Variants in SLC25A51 observed in about 807,000 individuals in gnomAD.
SLC25A51 encodes solute carrier family 25 member 51.
A neutral mutation model predicts 19.1 loss-of-function variants in SLC25A51; 11 were observed. The observed-to-expected ratio is 0.58, with a 90% confidence interval of 0.36 to 0.96. SLC25A51 has a LOEUF of 0.96. Ranked by LOEUF, SLC25A51 falls within the 40% of genes least tolerant of loss-of-function variation. The pLI is 0.01. For synonymous variants in SLC25A51, 105 were observed against 133.6 expected, an observed-to-expected ratio of 0.79 and a Z score of 1.47; for missense variants, 201 against 365.4, an observed-to-expected ratio of 0.55 and a Z score of 3.67.
downstream of SLC25A51, chr9:37,885,735 C>G (rs190963078): frequency 7.2e-5 from 105 of 1,458,976 alleles, no homozygotes; most frequent in African/African-American, 1.3e-3. Context: ...GATGAAGAAC[C>G]GCAGATCCAT....
downstream of SLC25A51, among the ~76,000 whole-genome samples, chr9:37,887,144 G>A (rs1332973521): frequency 1.2e-4 from 18 of 152,064 alleles, no homozygotes; most frequent in South Asian, 2.1e-4. Context: ...GTGAAACCCC[G>A]TCTCTACTAA....
intron 1 of SLC25A51, among the ~76,000 whole-genome samples, chr9:37,902,386 A>G (rs764690276): frequency 1.8e-4 from 28 of 152,180 alleles, no homozygotes; most frequent in Admixed American, 3.9e-4. Flanking sequence ...GTACATTGAG[A>G]TTCTCAGATT....
downstream of SLC25A51, chr9:37,878,951 T>C (rs942629298): frequency 1.3e-5 from 3 of 228,314 alleles, no homozygotes; most frequent in Non-Finnish European, 2.7e-5. Flanking sequence ...GTGTAACTCC[T>C]GAAGGGTTCC....
At chr9:37,885,652 C>T (rs2118302735), downstream of SLC25A51, 2 of 959,558 alleles carry the variant, frequency 2.1e-6, no homozygotes, top group Non-Finnish European at 1.7e-6. Flanking sequence ...AGAGAAGACT[C>T]GGAACCCCAA....
intron 1 of SLC25A51, among the ~76,000 whole-genome samples, chr9:37,902,566 C>T (rs1162286339): frequency 6.6e-6 from 1 of 152,240 alleles, no homozygotes; most frequent in African/African-American, 2.4e-5. Flanking sequence ...ACAGTTTAGA[C>T]TTTTGCATGT....
chr9:37,903,816 G>A (rs543081739), intron 1 of SLC25A51: 275 of 152,362 alleles, frequency 1.8e-3, no homozygotes, highest in Admixed American at 4.4e-3. Flanking sequence ...TCGCGGGAAA[G>A]GTCGCCCAGC....
intron 2 of SLC25A51, among the ~76,000 whole-genome samples, chr9:37,899,315 T>C (rs1412479912): frequency 6.6e-6 from 1 of 152,250 alleles, no homozygotes; most frequent in Non-Finnish European, 1.5e-5. Flanking sequence ...TTCATCATAC[T>C]GCTAACTTCC....
chr9:37,893,755 C>CA (rs1285741555), intron 2 of SLC25A51, among the ~76,000 whole-genome samples: 6 of 152,060 alleles, frequency 3.9e-5, no homozygotes, highest in Admixed American at 6.5e-5. Context: ...CCAGTAACAA[C>CA]AAAAAATCAT....
chr9:37,891,491 C>A (rs1376091473), intron 2 of SLC25A51, among the ~76,000 whole-genome samples: 1 of 152,208 alleles, frequency 6.6e-6, no homozygotes, highest in Non-Finnish European at 1.5e-5. Flanking sequence ...ACATAGGAGA[C>A]TCCATTTTGT....
chr9:37,885,074 C>CA (rs1258341225), downstream of SLC25A51, among the ~76,000 whole-genome samples: 1 of 152,030 alleles, frequency 6.6e-6, no homozygotes, highest in African/African-American at 2.4e-5. Context: ...GCCCCTTTGT[C>CA]ATATGCTTGA....
chr9:37,894,090 T>C (rs1243407462), intron 2 of SLC25A51, among the ~76,000 whole-genome samples: 3 of 152,336 alleles, frequency 2.0e-5, no homozygotes, highest in South Asian at 4.1e-4. Flanking sequence ...TTTAGAATGG[T>C]TGCACAGTAC....
Position 37,902,345 on chromosome 9 carries a change from C to G in SLC25A51, c.-165+1723G>C, listed in dbSNP as rs571266009. Among the ~76,000 whole-genome samples, 14 of 152,266 alleles carry G rather than the reference C, an allele frequency of 9.2e-5. No homozygotes were observed. The East Asian group carries it at 2.7e-3, about 29-fold the overall frequency. ...TAACAGAAGTTAACCATTTATTGAC[C>G]ACCATATCCAACTATTTTAAGAACA... On this transcript the variant is annotated intron_variant, in intron 1 of 2. Transcript: ENST00000242275.
chr9:37,896,240 A>T (rs894792293), intron 2 of SLC25A51, among the ~76,000 whole-genome samples: 1 of 152,152 alleles, frequency 6.6e-6, no homozygotes, highest in East Asian at 1.9e-4. Flanking sequence ...CTAAATACCC[A>T]CGGGCGTTTG....
downstream of SLC25A51, chr9:37,885,749 T>C: frequency 4.7e-6 from 7 of 1,481,088 alleles, no homozygotes; most frequent in South Asian, 2.3e-5. Flanking sequence ...GATCCATCAC[T>C]GTGGAGCAAC....
intron 2 of SLC25A51, 27 bp downstream of exon 2, chr9:37,899,802 T>C (rs1831803919): frequency 7.1e-6 from 1 of 140,398 alleles, no homozygotes; most frequent in African/African-American, 2.8e-5. Context: ...CAAAATGATG[T>C]GTTCCTTGAA....
chr9:37,893,906 G>T (rs1405609202), intron 2 of SLC25A51, among the ~76,000 whole-genome samples: 1 of 152,076 alleles, frequency 6.6e-6, no homozygotes, highest in Non-Finnish European at 1.5e-5. Context: ...CTAATGCAAG[G>T]GACCCTGCAG....
At chr9:37,881,862 C>G (rs1831355345) in intron 2 of SLC25A51, among the ~76,000 whole-genome samples, 1 of 152,054 alleles carries the variant, frequency 6.6e-6, no homozygotes, top group Non-Finnish European at 1.5e-5. Context: ...TAACAAGCAA[C>G]TACTCAAGCA....
chr9:37,893,310 T>C (rs1831639988), intron 2 of SLC25A51, among the ~76,000 whole-genome samples: 1 of 150,968 alleles, frequency 6.6e-6, no homozygotes, highest in Non-Finnish European at 1.5e-5. Context: ...GTACAATCTA[T>C]GGCCTAACGC....
chr9:37,885,653 G>A (rs555669097), downstream of SLC25A51: 28 of 965,588 alleles, frequency 2.9e-5, no homozygotes, highest in East Asian at 9.5e-5. Flanking sequence ...GAGAAGACTC[G>A]GAACCCCAAA....
Sources: allele counts gnomAD v4.1 joint callset (sites outside exome capture counted in the v4.1 genomes callset), GRCh38; gene constraint gnomAD v4.1.1; transcripts MANE v1.5; gene names NCBI Gene and HGNC (gene_info 2026-07-23, HGNC 2026-07-21).